SZT2: variants seen among roughly 807,000 people sequenced by gnomAD.
SZT2 encodes SZT2 subunit of KICSTOR complex, also known as KICSTOR complex protein SZT2.
SZT2 carries 216 observed loss-of-function variants against 404.2 expected under a neutral mutation model. The ratio of observed to expected loss-of-function variants is 0.53; its 90% CI spans 0.48 to 0.60. The LOEUF is 0.60. Among genes scored for constraint, SZT2 ranks in the 20% least tolerant of loss-of-function variants. The probability of loss-of-function intolerance (pLI) is 0.00; values close to 1 mark genes in which losing one functional copy is unlikely to be tolerated. For synonymous variants in SZT2, 1,693 were observed against 1,749.9 expected (o/e 0.97, Z 0.81); for missense variants, 3,857 against 4,459.2 (o/e 0.86, Z 3.85).
rs1009175468 is a variant in SZT2, at chr1:43,437,610, C to G, written c.6306C>G (p.Ser2102=). 1.4e-5 allele frequency: 23 copies of G among 1,614,018 alleles called. No individual in the cohort carries two copies. Among genetic ancestry groups the G allele is most frequent in the Non-Finnish European group, 8.5e-6 (10 of 1,180,014 alleles). The change falls in exon 45 of 72, where the codon TCC becomes TCG. Residue 2102 remains serine (S), a synonymous_variant. Coordinates refer to ENST00000634258, the MANE Select transcript of SZT2 (RefSeq NM_001365999.1). This position sits in a 1 kb window ranked among gnomAD's most constrained non-coding sequence, Gnocchi z 5.3. ...AVYYLRLLET[S]CSDRPWKGDA... ...TCTTTCCCAGGCTCCTAGAGACATC[C>G]TGCAGTGACCGGCCATGGAAAGGGG... is the stretch of plus-strand genomic sequence containing the variant.
At chr1:43,400,183 G>T (rs967875205) in intron 1 of SZT2, among the ~76,000 whole-genome samples, 1 of 151,844 alleles carries the variant, frequency 6.6e-6, no homozygotes, top group Non-Finnish European at 1.5e-5. Context: ...TAAGTTATTT[G>T]CCCGCTTTGG....
At chr1:43,423,029 G>T (rs1156251809) in intron 14 of SZT2, 70 bp from the exon 15 acceptor site, 2 of 1,521,096 alleles carry the variant, frequency 1.3e-6, no homozygotes, top group African/African-American at 1.4e-5. Context: ...GTCTCACTTT[G>T]TCTGTGAGCC....
rs1309106125 is a variant in SZT2 at position 43,420,908 on chromosome 1, C to G, written c.1421C>G (p.Ser474Cys). 1 of 1,598,434 alleles carries G rather than the reference C, an allele frequency of 6.3e-7. No individual in the cohort carries two copies. The stretch of plus-strand genomic sequence containing the variant: ...GGCTACGACATTTTGCATGATGTGT[C>G]CTGTGCACTAAGGCAGCCCATTCGT... ...EGGYDILHDVSCALRQPIRSL... is the reference protein window; with the variant it reads ...EGGYDILHDVCCALRQPIRSL... Residue 474 changes from serine to cysteine, a missense_variant, in exon 10 of 72, where the codon TCC becomes TGC. This residue lies in a region of SZT2 where 536 missense variants were observed against 637.4 expected (regional missense o/e 0.84). Coordinates refer to ENST00000634258, the MANE Select transcript of SZT2 (RefSeq NM_001365999.1). The surrounding 1 kb of genome is among the most constrained non-coding windows in gnomAD (Gnocchi z 5.1).
intron 41 of SZT2, among the ~76,000 whole-genome samples, chr1:43,434,749 G>A (rs1157312341): frequency 1.3e-5 from 2 of 152,138 alleles, no homozygotes; most frequent in African/African-American, 4.8e-5. Flanking sequence ...CACTGTGCTA[G>A]CATTAGTGAT....
Position 43,448,758 on chromosome 1 carries a change from G to T in SZT2, c.10086+30G>T. 1 of 1,594,192 alleles carries T rather than the reference G, an allele frequency of 6.3e-7. No homozygotes were observed. ...GTCCCCTTGAGCTTCCTCTGAAAAG[G>T]GAAACACAGCAGAAATCCTCACCAA... On this transcript the variant is annotated intron_variant, in intron 70 of 71. Transcript: ENST00000634258. This position sits in a 1 kb window ranked among gnomAD's most constrained non-coding sequence, Gnocchi z 4.2.
intron 4 of SZT2, among the ~76,000 whole-genome samples, chr1:43,413,192 G>A (rs577643688): frequency 6.6e-6 from 1 of 152,156 alleles, no homozygotes; most frequent in Non-Finnish European, 1.5e-5. Flanking sequence ...AGACCAGCCT[G>A]GCCAACATGG....
chr1:43,451,157 G>A lies in SZT2; in HGVS notation c.*677G>A, dbSNP rs1656353947. The A allele has an allele frequency of 1.6e-6, 2 of 1,288,236 alleles. No individual in the cohort carries two copies. The highest frequency in any genetic ancestry group is 2.3e-6 in the Non-Finnish European group (2 of 883,930). The allele number at this position is 1,288,236 out of a possible 1,614,324, so 79.8% of individuals were successfully genotyped here. A position where few individuals can be genotyped will look rare whatever the true frequency, so the allele number is the denominator to read the frequency against. On this transcript the variant is annotated 3_prime_UTR_variant, in exon 72 of 72. Transcript: ENST00000634258. The stretch of plus-strand genomic sequence containing the variant: ...CCCCATTACAGAGACATATGACAAT[G>A]TTCAGCAGGTCATCTTTAATGCAGA...
chr1:43,408,971 G>A (rs1215293437), intron 4 of SZT2, among the ~76,000 whole-genome samples: 3 of 152,150 alleles, frequency 2.0e-5, no homozygotes, highest in Non-Finnish European at 4.4e-5. Flanking sequence ...GGGGAAAGAG[G>A]GGTGAGATCC....
At chr1:43,421,589 C>T (rs982534227) in intron 11 of SZT2, among the ~76,000 whole-genome samples, 2 of 152,228 alleles carry the variant, frequency 1.3e-5, no homozygotes, top group Non-Finnish European at 2.9e-5. Flanking sequence ...AGCCCTTGCC[C>T]CATCTCCACG....
Position 43,390,129 on chromosome 1 carries a change from G to A in SZT2, c.27+134G>A, listed in dbSNP as rs549585627. ...GCCTCGGCAGGGACCAGCCCAGCCC[G>A]GAAGGCCCGACTATGGTACCCCTGC... On this transcript the variant is annotated intron_variant, in intron 1 of 71. Transcript: ENST00000634258. 3.2e-3 allele frequency: 3,386 copies of A among 1,073,474 alleles called. 11 individuals carry two copies. The highest frequency in any genetic ancestry group is 4.8e-3 in the South Asian group (209 of 43,302). The allele number at this position is 1,073,474 out of a possible 1,614,324, so 66.5% of individuals were successfully genotyped here. A position where few individuals can be genotyped will look rare whatever the true frequency, so the allele number is the denominator to read the frequency against.
In SZT2 at chr1:43,441,178, C is replaced by G; in HGVS notation, c.7345-36C>G. Reference sequence around the variant, plus strand: ...CCCCCATCCCACACCTTTCCTCTTCCCAGTAGCCCTTCCTCATTCACTGCA... The same window carrying G: ...CCCCCATCCCACACCTTTCCTCTTCGCAGTAGCCCTTCCTCATTCACTGCA... On this transcript the variant is annotated intron_variant, in intron 52 of 71. Coordinates refer to ENST00000634258, the MANE Select transcript of SZT2 (RefSeq NM_001365999.1). The surrounding 1 kb of genome is among the most constrained non-coding windows in gnomAD (Gnocchi z 4.8). The G allele has an allele frequency of 6.2e-7, 1 of 1,604,212 alleles. No individual in the cohort carries two copies. The highest frequency in any genetic ancestry group is 1.1e-5 in the South Asian group (1 of 89,836).
chr1:43,442,578 A>C lies in SZT2; in HGVS notation c.8111A>C (p.His2704Pro). The C allele has an allele frequency of 6.2e-7, 1 of 1,612,994 alleles. No homozygotes were observed. Among genetic ancestry groups the C allele is most frequent in the Non-Finnish European group, 8.5e-7 (1 of 1,179,378 alleles). Reference sequence around the variant, plus strand: ...CTCAGCCAGAAGCTTGGCCTCTTCCATCATTATGGCCAGTTGGACTTCCCC... The same window carrying C: ...CTCAGCCAGAAGCTTGGCCTCTTCCCTCATTATGGCCAGTTGGACTTCCCC... ...CLLSQKLGLF[H>P]HYGQLDFPVR... Residue 2704 changes from histidine to proline, a missense_variant, in exon 58 of 72, where the codon CAT becomes CCT. Physicochemically the swap from His to Pro is moderately conservative, Grantham distance 77 (BLOSUM62 -2). Coordinates refer to ENST00000634258, the MANE Select transcript of SZT2 (RefSeq NM_001365999.1). The surrounding 1 kb of genome is among the most constrained non-coding windows in gnomAD (Gnocchi z 4.5).
rs200387534 is a variant in SZT2, at chr1:43,443,310, C to T, written c.8500-42C>T. The stretch of plus-strand genomic sequence containing the variant: ...GCATCTTCCTTGAGTATCTGTGATC[C>T]TGCCCCGTCACTGCTCCATGCTCAC... On this transcript the variant is annotated intron_variant, in intron 60 of 71. Coordinates refer to ENST00000634258, the MANE Select transcript of SZT2 (RefSeq NM_001365999.1). The T allele has an allele frequency of 6.9e-4, 1,108 of 1,614,210 alleles. 4 individuals carry two copies. Among genetic ancestry groups the T allele is most frequent in the Middle Eastern group, 2.8e-3 (17 of 6,062 alleles).
intron 8 of SZT2, 30 bp downstream of exon 8, chr1:43,419,974 A>C: frequency 6.3e-7 from 1 of 1,597,082 alleles, no homozygotes; most frequent in Non-Finnish European, 8.5e-7. Context: ...GGGTGTGGGA[A>C]GGAGGGAATA....
intron 7 of SZT2, among the ~76,000 whole-genome samples, 197 bp downstream of exon 7, chr1:43,416,838 T>C (rs767598565): frequency 4.3e-4 from 65 of 152,230 alleles, no homozygotes; most frequent in Non-Finnish European, 7.8e-4. Flanking sequence ...CTTAGGATTT[T>C]GGAAATAGCT....
chr1:43,440,632 T>C (rs763199853), intron 52 of SZT2, 46 bp downstream of exon 52: 13 of 1,503,180 alleles, frequency 8.6e-6, no homozygotes, highest in African/African-American at 1.4e-5. Context: ...TCTGCCTGCC[T>C]CCTAGCTCCT....
rs1433134324 is a variant in SZT2 at position 43,447,554 on chromosome 1, A to C, written c.9296A>C (p.Glu3099Ala). ...GRNHIYQGTLELPTPLIAAHQ... is the reference protein window; with the variant it reads ...GRNHIYQGTLALPTPLIAAHQ... ...GTTACTTATCCCTCAGGGACATTGG[A>C]GCTCCCCACACCACTCATTGCTGCC... Residue 3099 changes from glutamate to alanine, a missense_variant, in exon 67 of 72, where the codon GAG (glutamate) becomes GCG (alanine). By Grantham distance (107) the Glu-to-Ala change is moderately radical. This residue lies in a region of SZT2 where 717 missense variants were observed against 868.2 expected (regional missense o/e 0.83). Coordinates refer to ENST00000634258, the MANE Select transcript of SZT2 (RefSeq NM_001365999.1). 6.2e-7 allele frequency: 1 copy of C among 1,613,836 alleles called. No homozygotes were observed. Among genetic ancestry groups the C allele is most frequent in the East Asian group, 2.2e-5 (1 of 44,878 alleles).
chr1:43,423,701 G>A (rs1421234940), intron 15 of SZT2, among the ~76,000 whole-genome samples: 2 of 150,918 alleles, frequency 1.3e-5, no homozygotes, highest in East Asian at 3.9e-4. Context: ...GTTGCAGAAG[G>A]GCGTGGCTTA....
intron 1 of SZT2, among the ~76,000 whole-genome samples, chr1:43,391,886 CCTGGCT>C (rs1557494117): frequency 0.02 from 456 of 22,644 alleles, 179 homozygotes; most frequent in Middle Eastern, 0.059. Context: ...TCGAGACCAT[CCTGGCT>C]AAAACGGTGA....
Sources: gnomAD v4.1 joint callset for allele counts (sites outside exome capture counted in the v4.1 genomes callset) on GRCh38, gnomAD v4.1.1 for gene constraint, gnomAD v4.1.1 regional missense constraint, Gnocchi (gnomAD v3.1) non-coding constraint, MANE v1.5 for transcripts, NCBI Gene and HGNC (gene_info 2026-07-23, HGNC 2026-07-21) for gene names.